Variants in ZDHHC2 observed in about 807,000 individuals in gnomAD.
ZDHHC2 encodes zDHHC palmitoyltransferase 2.
A neutral mutation model predicts 55.6 loss-of-function variants in ZDHHC2; 51 were observed. The ratio of observed to expected loss-of-function variants is 0.92; its 90% CI spans 0.73 to 1.16. The LOEUF (loss-of-function observed/expected upper bound fraction) is 1.16. ZDHHC2 is among the 50% of genes most tolerant of loss of function. The pLI, the probability that ZDHHC2 is intolerant of heterozygous loss-of-function variation, is 0.00. For missense variants in ZDHHC2, 491 were observed against 442.4 expected (o/e 1.11, Z -0.99); for synonymous variants, 199 against 152.9 (o/e 1.30, Z -2.22).
intron 6 of ZDHHC2, among the ~76,000 whole-genome samples, chr8:17,203,809 CTTTTTTTTT>C (rs3041019): frequency 1.5e-5 from 2 of 130,152 alleles, no homozygotes; most frequent in Non-Finnish European, 3.3e-5. Context: ...TCTTTTTTTT[CTTTTTTTTT>C]TTTTTTTTGA....
chr8:17,186,350 T>A lies in ZDHHC2; in HGVS notation c.177T>A (p.Tyr59Ter). Residue 59 changes from tyrosine (Y) to a stop codon, truncating the protein, a stop_gained, in exon 3 of 13, where the codon TAT becomes TAA. Transcript: ENST00000262096. LOFTEE classifies it high-confidence loss of function. ...TTTTAGTTGTGTGCCTGATGGCCTA[T>A]CATCTACTTTTTGCAATGTTTGTCT... Reference protein sequence around the residue: ...TGEQVVCLMAYHLLFAMFVWS... With the variant: ...TGEQVVCLMA 6.3e-7 allele frequency: 1 copy of A among 1,597,232 alleles called. No homozygotes were observed. The highest frequency in any genetic ancestry group is 8.5e-7 in the Non-Finnish European group (1 of 1,173,544).
intron 1 of ZDHHC2, among the ~76,000 whole-genome samples, chr8:17,174,059 C>T (rs2150892372): frequency 6.6e-6 from 1 of 151,654 alleles, no homozygotes; most frequent in African/African-American, 2.4e-5. Context: ...CCTGCCGGCA[C>T]CTCAATTTGT....
At chr8:17,219,753 C>CTGG (rs1318955465) in intron 12 of ZDHHC2, among the ~76,000 whole-genome samples, 2 of 152,230 alleles carry the variant, frequency 1.3e-5, no homozygotes, top group East Asian at 3.9e-4. Context: ...GCACTCCAGC[C>CTGG]TGGGTGACAG....
intron 11 of ZDHHC2, among the ~76,000 whole-genome samples, chr8:17,215,759 T>C (rs545570405): frequency 6.6e-6 from 1 of 152,338 alleles, no homozygotes; most frequent in African/African-American, 2.4e-5. Flanking sequence ...TTTCAAAATG[T>C]CTGAGTAAAG....
At chr8:17,196,497 T>C (rs1408331606) in intron 4 of ZDHHC2, among the ~76,000 whole-genome samples, 1 of 151,852 alleles carries the variant, frequency 6.6e-6, no homozygotes, top group Non-Finnish European at 1.5e-5. Flanking sequence ...GAAGTTGCAG[T>C]GAGCTGTGGT....
At chr8:17,199,465 ACTTCTTCTTCTTCTTCTTCTTCTTCTT>A in intron 6 of ZDHHC2, among the ~76,000 whole-genome samples, 1 of 98,638 alleles carries the variant, frequency 1.0e-5, no homozygotes, top group Non-Finnish European at 2.1e-5. Flanking sequence ...CTTTAATAAG[ACTTCTTCTTCTTCTTCTTCTTCTTCTT>A]CTTCTTCTTC....
At chr8:17,167,634 T>C (rs1181765678) in intron 1 of ZDHHC2, among the ~76,000 whole-genome samples, 1 of 152,166 alleles carries the variant, frequency 6.6e-6, no homozygotes, top group African/African-American at 2.4e-5. Flanking sequence ...CATATAACAA[T>C]AAAAAACCTT....
At chr8:17,172,299 T>G (rs1585655779) in intron 1 of ZDHHC2, among the ~76,000 whole-genome samples, 1 of 152,228 alleles carries the variant, frequency 6.6e-6, no homozygotes, top group Non-Finnish European at 1.5e-5. Context: ...GGCCGCCGGC[T>G]AAATATACGG....
intron 3 of ZDHHC2, among the ~76,000 whole-genome samples, chr8:17,193,391 CCT>C (rs139465277): frequency 9.3e-5 from 14 of 150,700 alleles, no homozygotes; most frequent in East Asian, 1.9e-4. Context: ...ACAAACAGAG[CCT>C]CTCTCTCTCT....
In ZDHHC2 at chr8:17,192,106, C is replaced by G. The variant is rs114762150; in HGVS notation, c.253-3398C>G. 1.7e-3 allele frequency among the ~76,000 whole-genome samples: 252 copies of G among 152,260 alleles called. 1 individual carries two copies. Among genetic ancestry groups the G allele is most frequent in the African/African-American group, 5.9e-3 (246 of 41,548 alleles). On this transcript the variant is annotated intron_variant, in intron 3 of 12. Coordinates refer to ENST00000262096, the MANE Select transcript of ZDHHC2 (RefSeq NM_016353.5). ...TCGAGCAATAGTCCCACCTCAGCCCCCTAAGTAGCTGTGACTACAGGCATG... is the reference window on the plus strand; with the variant it reads ...TCGAGCAATAGTCCCACCTCAGCCCGCTAAGTAGCTGTGACTACAGGCATG...
At chr8:17,212,185 A>G (rs1212905325) in intron 10 of ZDHHC2, among the ~76,000 whole-genome samples, 2 of 152,070 alleles carry the variant, frequency 1.3e-5, no homozygotes, top group East Asian at 1.9e-4. Context: ...GCGGAATTCT[A>G]CTATCTCCCA....
chr8:17,199,638 C>CCTTTCTTCTTCT (rs1563161820), intron 6 of ZDHHC2, among the ~76,000 whole-genome samples: 5 of 45,572 alleles, frequency 1.1e-4, no homozygotes, highest in African/African-American at 2.5e-4. Flanking sequence ...TCTTCTTCTT[C>CCTTTCTTCTTCT]TCCTCCTCCT....
chr8:17,182,026 T>G (rs1360999017), intron 1 of ZDHHC2, among the ~76,000 whole-genome samples: 1 of 152,192 alleles, frequency 6.6e-6, no homozygotes, highest in Non-Finnish European at 1.5e-5. Context: ...ATCACTGATT[T>G]ACTAATTAAG....
rs117470963 is a variant in ZDHHC2 at position 17,169,469 on chromosome 8, G to A, written c.130+12616G>A. Among the ~76,000 whole-genome samples the A allele has an allele frequency of 4.2e-3, 633 of 152,214 alleles. 1 individual carries two copies. The highest frequency in any genetic ancestry group is 6.7e-3 in the Non-Finnish European group (454 of 68,000). ...AGTTTTTGAGTAGCCAGAGTCCAGA[G>A]CACAGAAATGACAGATGGAAATTAA... On this transcript the variant is annotated intron_variant, in intron 1 of 12. Transcript: ENST00000262096.
At chr8:17,192,538 G>A (rs532012407) in intron 3 of ZDHHC2, among the ~76,000 whole-genome samples, 3 of 152,194 alleles carry the variant, frequency 2.0e-5, no homozygotes, top group East Asian at 1.9e-4. Context: ...TTATCAAATG[G>A]GGAGTTGCCA....
intron 3 of ZDHHC2, among the ~76,000 whole-genome samples, chr8:17,191,271 A>T (rs775248596): frequency 6.6e-6 from 1 of 151,364 alleles, no homozygotes; most frequent in Non-Finnish European, 1.5e-5. Context: ...AAATTTTTGT[A>T]TTTTTAATAG....
At chr8:17,184,854 A>G in intron 2 of ZDHHC2, 39 bp downstream of exon 2, 1 of 1,490,044 alleles carries the variant, frequency 6.7e-7, no homozygotes. Context: ...TTTTTTAAAT[A>G]GTTTGAAAAA....
At chr8:17,180,263 C>G (rs1219368530) in intron 1 of ZDHHC2, among the ~76,000 whole-genome samples, 1 of 152,098 alleles carries the variant, frequency 6.6e-6, no homozygotes, top group Non-Finnish European at 1.5e-5. Context: ...ACTGGCACAT[C>G]AAGATCGAAG....
chr8:17,195,071 T>A (rs1275388457), intron 3 of ZDHHC2, among the ~76,000 whole-genome samples: 1 of 152,216 alleles, frequency 6.6e-6, no homozygotes, highest in Non-Finnish European at 1.5e-5. Flanking sequence ...ATCCCTAAGT[T>A]AAAACTCACT....
Sources: allele counts gnomAD v4.1 joint callset (sites outside exome capture counted in the v4.1 genomes callset), GRCh38; gene constraint gnomAD v4.1.1; transcripts MANE v1.5; gene names NCBI Gene and HGNC (gene_info 2026-07-23, HGNC 2026-07-21).